Variants in CHN1 observed in about 807,000 individuals in gnomAD.
The protein encoded by CHN1 is N-chimaerin.
In CHN1, 37 loss-of-function variants were observed where a neutral mutation model predicts 59.5. The ratio of observed to expected loss-of-function variants is 0.62; its 90% CI spans 0.48 to 0.82. CHN1 has a LOEUF of 0.82. Among genes scored for constraint, CHN1 ranks in the 40% least tolerant of loss-of-function variants. CHN1 has a pLI of 0.00. For synonymous variants in CHN1, 206 were observed against 200.4 expected (o/e 1.03, Z -0.24); for missense variants, 469 against 571.0 (o/e 0.82, Z 1.82).
intron 6 of CHN1, chr2:174,847,891 T>C: frequency 2.5e-6 from 1 of 402,102 alleles, no homozygotes; most frequent in Admixed American, 3.1e-5. Flanking sequence ...AAAATTAACA[T>C]ACATACAGCA....
chr2:174,906,497 G>A (rs1479825062), intron 5 of CHN1, among the ~76,000 whole-genome samples: 1 of 152,002 alleles, frequency 6.6e-6, no homozygotes, highest in Non-Finnish European at 1.5e-5. Context: ...TCTTTTCAGG[G>A]GCATTAAATG....
At chr2:174,857,491 G>A (rs965414880) in intron 6 of CHN1, among the ~76,000 whole-genome samples, 2 of 151,880 alleles carry the variant, frequency 1.3e-5, no homozygotes, top group Admixed American at 6.6e-5. Flanking sequence ...TACTATAAAC[G>A]GAACATGTCC....
chr2:174,962,413 G>A (rs1690441331), intron 1 of CHN1, among the ~76,000 whole-genome samples: 1 of 152,044 alleles, frequency 6.6e-6, no homozygotes, highest in South Asian at 2.1e-4. Context: ...AGTTATCCAG[G>A]GCTAATACTC....
At position 174,986,759 on chromosome 2, in the gene CHN1, C is replaced by T. The variant is rs370004585; in HGVS notation, c.19+18135G>A. On this transcript the variant is annotated intron_variant, in intron 1 of 12. Coordinates refer to ENST00000409900, the MANE Select transcript of CHN1 (RefSeq NM_001822.7). ...TTTTGTTTGTTTGCTTGTTTTGAGA[C>T]GGAGTCTCACTCTGTTGCCCAGGCT... Among the ~76,000 whole-genome samples, 202 of 152,296 alleles carry T rather than the reference C, an allele frequency of 1.3e-3. 2 individuals are homozygous for T. The highest frequency in any genetic ancestry group is 4.3e-3 in the African/African-American group (179 of 41,566).
intron 1 of CHN1, among the ~76,000 whole-genome samples, chr2:174,962,128 T>C (rs888179067): frequency 1.2e-4 from 18 of 151,952 alleles, no homozygotes; most frequent in African/African-American, 4.3e-4. Flanking sequence ...CTACTAAAAA[T>C]ACGAAAATTA....
intron 7 of CHN1, among the ~76,000 whole-genome samples, chr2:174,828,239 T>G (rs980862500): frequency 6.6e-6 from 1 of 152,156 alleles, no homozygotes; most frequent in Non-Finnish European, 1.5e-5. Flanking sequence ...GAGCTAAAAC[T>G]GGCCAGGAAT....
At chr2:174,825,406 T>C (rs1685652328) in intron 7 of CHN1, among the ~76,000 whole-genome samples, 1 of 152,210 alleles carries the variant, frequency 6.6e-6, no homozygotes, top group Admixed American at 6.5e-5. Flanking sequence ...AGGAACCTCG[T>C]TTGAGTACAG....
At chr2:174,974,698 GTAA>G (rs1463483866) in intron 1 of CHN1, among the ~76,000 whole-genome samples, 3 of 151,926 alleles carry the variant, frequency 2.0e-5, no homozygotes, top group Admixed American at 1.3e-4. Flanking sequence ...AAAAATAAGG[GTAA>G]TAATAAAGGT....
chr2:174,814,013 A>G (rs927744389), intron 8 of CHN1, among the ~76,000 whole-genome samples: 1 of 152,234 alleles, frequency 6.6e-6, no homozygotes, highest in African/African-American at 2.4e-5. Context: ...AACAGAGACA[A>G]GGAAAATTAG....
intron 2 of CHN1, among the ~76,000 whole-genome samples, chr2:174,947,363 C>A (rs1689871219): frequency 6.6e-6 from 1 of 152,190 alleles, no homozygotes; most frequent in East Asian, 1.9e-4. Context: ...TCTTTCAAAT[C>A]CTTCTAATCG....
At chr2:174,880,898 T>C (rs1361803014) in intron 5 of CHN1, among the ~76,000 whole-genome samples, 1 of 151,884 alleles carries the variant, frequency 6.6e-6, no homozygotes, top group Non-Finnish European at 1.5e-5. Context: ...AATACAAAAT[T>C]AGCTGGGCGT....
At chr2:174,991,860 T>C (rs1325071150) in intron 1 of CHN1, among the ~76,000 whole-genome samples, 2 of 152,234 alleles carry the variant, frequency 1.3e-5, no homozygotes, top group South Asian at 2.1e-4. Flanking sequence ...GTACCTGCTA[T>C]GTGTGAAGCA....
At chr2:174,840,897 T>C (rs555361390) in intron 7 of CHN1, among the ~76,000 whole-genome samples, 16 of 152,094 alleles carry the variant, frequency 1.1e-4, no homozygotes, top group African/African-American at 3.9e-4. Flanking sequence ...AAAAAAGATA[T>C]AGTAGAAAGC....
intron 2 of CHN1, among the ~76,000 whole-genome samples, chr2:174,948,553 G>A (rs1689917931): frequency 6.6e-6 from 1 of 152,132 alleles, no homozygotes; most frequent in South Asian, 2.1e-4. Flanking sequence ...CAAGATCAAT[G>A]GAACTAACAG....
chr2:174,875,456 TCACAG>T (rs1196041739), intron 6 of CHN1, among the ~76,000 whole-genome samples: 2 of 152,146 alleles, frequency 1.3e-5, no homozygotes, highest in Non-Finnish European at 2.9e-5. Context: ...CCTTAAAGGA[TCACAG>T]ACTAGAAGAA....
chr2:174,913,367 A>G (rs138524358), intron 5 of CHN1, among the ~76,000 whole-genome samples: 150 of 152,276 alleles, frequency 9.9e-4, no homozygotes, highest in African/African-American at 3.4e-3. Context: ...TAATCAGATG[A>G]CCAGACTATT....
chr2:174,927,348 ATGC>A (rs1348465947), intron 3 of CHN1, among the ~76,000 whole-genome samples: 1 of 152,172 alleles, frequency 6.6e-6, no homozygotes, highest in East Asian at 1.9e-4. Context: ...ATGAGCCACC[ATGC>A]TGGGCCTATT....
At chr2:174,830,126 G>A (rs540741316) in intron 7 of CHN1, among the ~76,000 whole-genome samples, 5 of 152,148 alleles carry the variant, frequency 3.3e-5, no homozygotes, top group Non-Finnish European at 7.4e-5. Context: ...CCAGCTACTC[G>A]GGAGGCTGAG....
At chr2:175,001,442 T>C (rs976755656) in intron 1 of CHN1, among the ~76,000 whole-genome samples, 2 of 152,166 alleles carry the variant, frequency 1.3e-5, no homozygotes, top group African/African-American at 4.8e-5. Context: ...AAGATGTCCA[T>C]AGGTAGGTGT....
Sources: gnomAD v4.1 joint callset for allele counts (sites outside exome capture counted in the v4.1 genomes callset) on GRCh38, gnomAD v4.1.1 for gene constraint, MANE v1.5 for transcripts, NCBI Gene and HGNC (gene_info 2026-07-23, HGNC 2026-07-21) for gene names.